The following ARMC9 variants were observed in gnomAD, a reference collection of about 807,000 sequenced individuals.
The protein encoded by ARMC9 is armadillo repeat containing 9.
In ARMC9, 94 loss-of-function variants were observed where a neutral mutation model predicts 107.0. The observed-to-expected ratio is 0.88, with a 90% CI of 0.74 to 1.04. The LOEUF is 1.04. Ranked by LOEUF, ARMC9 falls within the 50% of genes least tolerant of loss-of-function variation. The pLI is 0.00. For synonymous variants in ARMC9, 380 were observed against 396.9 expected, an observed-to-expected ratio of 0.96 and a Z score of 0.51; for missense variants, 942 against 1,030.1, an observed-to-expected ratio of 0.91 and a Z score of 1.17.
Position 231,296,254 on chromosome 2 carries a change from G to A in ARMC9, c.1773+1G>A, listed in dbSNP as rs201514487. ...TGATGATGAAGATGAAGATGATGAA[G>A]TAAGTTGGAGGTTCTTGACACCACA... On this transcript the variant is annotated splice_donor_variant, in intron 19 of 24. Transcript: ENST00000611582. LOFTEE classifies it high-confidence loss of function. 1.9e-6 allele frequency: 3 copies of A among 1,612,690 alleles called. No individual in the cohort carries two copies. Among genetic ancestry groups the A allele is most frequent in the Non-Finnish European group, 1.7e-6 (2 of 1,179,216 alleles).
chr2:231,252,108 A>G (rs570215680), intron 9 of ARMC9, among the ~76,000 whole-genome samples: 19 of 152,356 alleles, frequency 1.2e-4, no homozygotes, highest in African/African-American at 3.6e-4. Flanking sequence ...ATAGAATGAT[A>G]GAGAGTTTAG....
rs982139574 is a variant in ARMC9 at position 231,360,428 on chromosome 2, G to A, written c.2132-326G>A. ...GGGCCTCCACATTCTGTCTGGGGGC[G>A]CCTAGCCATGGCCCAGGGAGACAAT... On this transcript the variant is annotated intron_variant, in intron 22 of 24. Transcript: ENST00000611582. This position sits in a 1 kb window ranked among gnomAD's most constrained non-coding sequence, Gnocchi z 4.7. Among the ~76,000 whole-genome samples, 5 of 152,206 alleles carry A rather than the reference G, an allele frequency of 3.3e-5. No individual in the cohort carries two copies. The highest frequency in any genetic ancestry group is 6.5e-5 in the Admixed American group (1 of 15,284).
At chr2:231,265,467 C>A (rs961498952) in intron 12 of ARMC9, among the ~76,000 whole-genome samples, 1 of 152,018 alleles carries the variant, frequency 6.6e-6, no homozygotes, top group African/African-American at 2.4e-5. Flanking sequence ...GAGCTGGAGG[C>A]CTTATTCTAA....
intron 19 of ARMC9, among the ~76,000 whole-genome samples, chr2:231,312,957 G>T (rs889171188): frequency 6.6e-6 from 1 of 152,064 alleles, no homozygotes; most frequent in Admixed American, 6.6e-5. Context: ...AACTGACTTG[G>T]CTAGAATTCA....
intron 12 of ARMC9, among the ~76,000 whole-genome samples, chr2:231,265,954 C>T (rs532237955): frequency 4.0e-5 from 6 of 150,010 alleles, no homozygotes; most frequent in South Asian, 4.2e-4. Flanking sequence ...GCTGAGATTG[C>T]GCCACTGGAC....
At chr2:231,223,190 CTA>C (rs2034321691) in intron 6 of ARMC9, among the ~76,000 whole-genome samples, 2 of 152,226 alleles carry the variant, frequency 1.3e-5, no homozygotes, top group Non-Finnish European at 2.9e-5. Context: ...GGGTGACCAT[CTA>C]ACTTGTCATT....
At position 231,339,863 on chromosome 2, in the gene ARMC9, G is replaced by T. The variant is rs565650911; in HGVS notation, c.1879-5112G>T. Among the ~76,000 whole-genome samples the T allele has an allele frequency of 2.9e-4, 44 of 152,342 alleles. No homozygotes were observed. In the South Asian group the frequency reaches 8.9e-3, roughly 31 times the overall value. ...AGGAGTAATCGCTTGAACCCAGGAGGCAGAGGTTGCAGCGGGCCAAAATCA... is the reference window on the plus strand; with the variant it reads ...AGGAGTAATCGCTTGAACCCAGGAGTCAGAGGTTGCAGCGGGCCAAAATCA... On this transcript the variant is annotated intron_variant, in intron 20 of 24. Coordinates refer to ENST00000611582, the MANE Select transcript of ARMC9 (RefSeq NM_001352754.2).
intron 3 of ARMC9, among the ~76,000 whole-genome samples, chr2:231,214,151 C>G (rs543438073): frequency 5.9e-5 from 9 of 152,354 alleles, no homozygotes; most frequent in African/African-American, 2.2e-4. Flanking sequence ...GGTGGACTCA[C>G]ACAGCTCTGT....
chr2:231,287,306 T>C (rs2040664720), intron 17 of ARMC9, among the ~76,000 whole-genome samples: 2 of 152,170 alleles, frequency 1.3e-5, no homozygotes, highest in Admixed American at 6.5e-5. Flanking sequence ...ATCCTCCACA[T>C]TGCCCACTTC....
At chr2:231,345,998 G>T (rs141390838) in intron 21 of ARMC9, among the ~76,000 whole-genome samples, 576 of 152,310 alleles carry the variant, frequency 3.8e-3, no homozygotes, top group Admixed American at 6.1e-3. Context: ...GACAGACCCA[G>T]CTCCTTGATG....
At chr2:231,350,636 GAAA>G (rs1160653582) in intron 21 of ARMC9, among the ~76,000 whole-genome samples, 1 of 112,090 alleles carries the variant, frequency 8.9e-6, no homozygotes. Flanking sequence ...AAAAAAAAAA[GAAA>G]AAGAAAAAGA....
At chr2:231,343,804 T>A (rs1342342110) in intron 20 of ARMC9, among the ~76,000 whole-genome samples, 1 of 151,870 alleles carries the variant, frequency 6.6e-6, no homozygotes, top group African/African-American at 2.4e-5. Context: ...CTGGACAGAG[T>A]GGCGTGCACT....
At chr2:231,236,808 G>A (rs536004855) in intron 8 of ARMC9, among the ~76,000 whole-genome samples, 1 of 152,188 alleles carries the variant, frequency 6.6e-6, no homozygotes, top group African/African-American at 2.4e-5. Flanking sequence ...GCCAGGTGTA[G>A]TGGAGGACAT....
At chr2:231,283,370 C>G (rs2040357801) in intron 17 of ARMC9, among the ~76,000 whole-genome samples, 1 of 152,202 alleles carries the variant, frequency 6.6e-6, no homozygotes, top group East Asian at 1.9e-4. Context: ...AAACAGCACA[C>G]TGGTATTAGT....
intron 19 of ARMC9, among the ~76,000 whole-genome samples, chr2:231,311,904 A>T (rs1178072666): frequency 6.6e-6 from 1 of 152,070 alleles, no homozygotes; most frequent in Non-Finnish European, 1.5e-5. Flanking sequence ...AATTTTCACA[A>T]AGTGCATATA....
intron 13 of ARMC9, among the ~76,000 whole-genome samples, chr2:231,272,454 C>G (rs1309728256): frequency 6.6e-6 from 1 of 152,080 alleles, no homozygotes; most frequent in African/African-American, 2.4e-5. Context: ...CTCAGCCTCC[C>G]AAAGTGCTAG....
intron 17 of ARMC9, among the ~76,000 whole-genome samples, chr2:231,290,003 A>G (rs1175023128): frequency 1.3e-5 from 2 of 152,246 alleles, no homozygotes; most frequent in African/African-American, 4.8e-5. Context: ...CCATTGGACT[A>G]GAGGCTATTT....
intron 18 of ARMC9, among the ~76,000 whole-genome samples, chr2:231,293,380 C>T (rs1013113931): frequency 1.3e-5 from 2 of 152,174 alleles, no homozygotes; most frequent in African/African-American, 4.8e-5. Context: ...GTGCCCAGCC[C>T]TCCCAGGCCA....
At chr2:231,258,682 T>G (rs1006339651) in intron 10 of ARMC9, among the ~76,000 whole-genome samples, 1 of 152,204 alleles carries the variant, frequency 6.6e-6, no homozygotes, top group African/African-American at 2.4e-5. Context: ...GGTGATTTCT[T>G]CCCTATGCTA....
Sources: gnomAD v4.1 joint callset for allele counts (sites outside exome capture counted in the v4.1 genomes callset) on GRCh38, gnomAD v4.1.1 for gene constraint, Gnocchi (gnomAD v3.1) non-coding constraint, MANE v1.5 for transcripts, NCBI Gene and HGNC (gene_info 2026-07-23, HGNC 2026-07-21) for gene names.